Variants in CLN6 observed in about 807,000 individuals in gnomAD.
The protein encoded by CLN6 is ceroid-lipofuscinosis neuronal protein 6.
In CLN6, 22 loss-of-function variants were observed where a neutral mutation model predicts 33.3. That is an observed-to-expected ratio of 0.66 (90% CI 0.47 to 0.94). The LOEUF is 0.94. Among genes scored for constraint, CLN6 ranks in the 40% least tolerant of loss-of-function variants. The pLI is 0.00. For missense variants in CLN6, 387 were observed against 417.1 expected (o/e 0.93, Z 0.63); for synonymous variants, 201 against 174.6 (o/e 1.15, Z -1.19).
chr15:68,225,662 A>T (rs932537976), intron 1 of CLN6, among the ~76,000 whole-genome samples: 1 of 152,098 alleles, frequency 6.6e-6, no homozygotes, highest in Non-Finnish European at 1.5e-5. Flanking sequence ...AATTTTTAAA[A>T]TTTTTCCTTT....
At position 68,211,442 on chromosome 15, in the gene CLN6, T is replaced by A; in HGVS notation, c.487-124A>T. On this transcript the variant is annotated intron_variant, in intron 4 of 6. Coordinates refer to ENST00000249806, the MANE Select transcript of CLN6 (RefSeq NM_017882.3). The surrounding 1 kb of genome is among the most constrained non-coding windows in gnomAD (Gnocchi z 5.9). ...TCCCAGGCCTCCCCCACTGCCTTAT[T>A]CCCTACCCGGGGCCTCGCCTTCTGT... is the stretch of plus-strand genomic sequence containing the variant. 1 of 1,536,118 alleles carries A rather than the reference T, an allele frequency of 6.5e-7. No individual in the cohort carries two copies. The highest frequency in any genetic ancestry group is 2.3e-5 in the East Asian group (1 of 44,022).
intron 2 of CLN6, among the ~76,000 whole-genome samples, chr15:68,216,892 C>A (rs1439268741): frequency 1.3e-5 from 2 of 152,188 alleles, no homozygotes; most frequent in Non-Finnish European, 2.9e-5. Flanking sequence ...GAGAATTCAA[C>A]CTTGTCAGAA....
rs765491294 is a variant in CLN6, at chr15:68,209,662, C to G, written c.640G>C (p.Val214Leu). The change falls in exon 6 of 7, where the codon GTG becomes CTG. Residue 214 changes from valine to leucine, a missense_variant. Coordinates refer to ENST00000249806, the MANE Select transcript of CLN6 (RefSeq NM_017882.3). This position sits in a 1 kb window ranked among gnomAD's most constrained non-coding sequence, Gnocchi z 4.9. ...SLIPGPALLL[V>L]APSGLYYWYL... The stretch of plus-strand genomic sequence containing the variant: ...CAGTAGTACAGGCCACTGGGTGCCA[C>G]CAGGAGCAGGGCAGGCCCTGGAATC... The G allele has an allele frequency of 1.2e-6, 2 of 1,613,382 alleles. No individual in the cohort carries two copies. The highest frequency in any genetic ancestry group is 1.7e-6 in the Non-Finnish European group (2 of 1,179,962).
At chr15:68,245,132 GTT>G (rs1013392564) in intron 1 of CLN6, among the ~76,000 whole-genome samples, 3 of 143,494 alleles carry the variant, frequency 2.1e-5, no homozygotes, top group Admixed American at 7.0e-5. Flanking sequence ...AAGTGCAGAG[GTT>G]TTTTTTTTTG....
chr15:68,251,043 T>C (rs2065768491), intron 1 of CLN6, among the ~76,000 whole-genome samples: 1 of 152,066 alleles, frequency 6.6e-6, no homozygotes, highest in African/African-American at 2.4e-5. Flanking sequence ...AAACAAAATA[T>C]TAAGAAACTG....
At chr15:68,221,500 G>A (rs1200161644) in intron 1 of CLN6, among the ~76,000 whole-genome samples, 4 of 152,010 alleles carry the variant, frequency 2.6e-5, no homozygotes, top group African/African-American at 9.7e-5. Flanking sequence ...CCGAGGTGCT[G>A]GGATTGCAGA....
chr15:68,237,317 C>CA (rs575751381), intron 1 of CLN6, among the ~76,000 whole-genome samples: 10,622 of 134,914 alleles, frequency 0.079, 1,005 homozygotes, highest in African/African-American at 0.24. Context: ...CCTATCTCTA[C>CA]AAAAAAAAAA....
chr15:68,227,364 C>T lies in CLN6; in HGVS notation c.83+2138G>A, dbSNP rs1333572676. On this transcript the variant is annotated intron_variant, in intron 1 of 6. Coordinates refer to ENST00000249806, the MANE Select transcript of CLN6 (RefSeq NM_017882.3). This position sits in a 1 kb window ranked among gnomAD's most constrained non-coding sequence, Gnocchi z 4.1. ...TAATTGTAACACTTTCATTATAATA[C>T]AAAAACTGGCAACAAAGCAGGTGGA... Among the ~76,000 whole-genome samples the T allele has an allele frequency of 6.6e-6, 1 of 152,184 alleles. No homozygotes were observed. Among genetic ancestry groups the T allele is most frequent in the Non-Finnish European group, 1.5e-5 (1 of 68,024 alleles).
chr15:68,218,501 G>T, intron 2 of CLN6, 35 bp downstream of exon 2: 1 of 1,467,410 alleles, frequency 6.8e-7, no homozygotes, highest in Non-Finnish European at 9.6e-7. Context: ...TGTCCTCAGT[G>T]CTGGTCAGAG....
Position 68,211,939 on chromosome 15 carries a change from C to G in CLN6, c.298-76G>C. 1 of 1,452,048 alleles carries G rather than the reference C, an allele frequency of 6.9e-7. No individual in the cohort carries two copies. The highest frequency in any genetic ancestry group is 9.6e-7 in the Non-Finnish European group (1 of 1,046,624). The allele number at this position is 1,452,048 out of a possible 1,614,324, so 89.9% of individuals were successfully genotyped here. On this transcript the variant is annotated intron_variant, in intron 3 of 6. Transcript: ENST00000249806. This position sits in a 1 kb window ranked among gnomAD's most constrained non-coding sequence, Gnocchi z 5.9. ...GTGACACCCTCTGCTTCCCCCCTCA[C>G]ACCTGGGGTGGGATGGACGCTTCCA...
chr15:68,216,196 C>G (rs949927902), intron 2 of CLN6, among the ~76,000 whole-genome samples: 2 of 152,206 alleles, frequency 1.3e-5, no homozygotes, highest in African/African-American at 4.8e-5. Context: ...AAGGGAGCCA[C>G]GAGCCCACTC....
At chr15:68,224,265 CAAA>C (rs34196710) in intron 1 of CLN6, among the ~76,000 whole-genome samples, 4 of 46,732 alleles carry the variant, frequency 8.6e-5, no homozygotes, top group African/African-American at 2.5e-4. Flanking sequence ...GACCTTATTG[CAAA>C]AAAAAAAAAA....
Position 68,247,440 on chromosome 15 carries a change from A to C in CLN6, c.179+9250T>G, listed in dbSNP as rs1315278651. ...GCAAAAACAAACAAACAACAACAAC[A>C]ACAACAAAACCTAGGAATAAATTTA... On this transcript the variant is annotated intron_variant, in intron 1 of 6. Coordinates refer to the CLN6 transcript ENST00000538696. This position sits in a 1 kb window ranked among gnomAD's most constrained non-coding sequence, Gnocchi z 4.2. Among the ~76,000 whole-genome samples, 1 of 152,128 alleles carries C rather than the reference A, an allele frequency of 6.6e-6. No homozygotes were observed. Among genetic ancestry groups the C allele is most frequent in the Non-Finnish European group, 1.5e-5 (1 of 68,032 alleles).
At position 68,208,277 on chromosome 15, in the gene CLN6, CG is replaced by C; in HGVS notation, c.798del (p.Phe266LeufsTer3). On this transcript the variant is annotated frameshift_variant, in exon 7 of 7. Transcript: ENST00000249806. LOFTEE classifies it high-confidence loss of function. This position sits in a 1 kb window ranked among gnomAD's most constrained non-coding sequence, Gnocchi z 5.8. The stretch of plus-strand genomic sequence containing the variant: ...AGCGCCACAAGCAAGAGGGTCAGTG[CG>C]AAGGAGGAGAAGAGGAAGAGGCCGT... ...DSNGLFLFSS[F>X]ALTLLLVALW... 6.2e-7 allele frequency: 1 copy of C among 1,614,070 alleles called. No homozygotes were observed. The highest frequency in any genetic ancestry group is 8.5e-7 in the Non-Finnish European group (1 of 1,180,038).
In CLN6 at chr15:68,211,735, G is replaced by A. The variant is rs768766915; in HGVS notation, c.426C>T (p.Tyr142=). ...SVNHRLLFSG[Y]QHHLSVRENP... ...TCTCACGGACAGACAGGTGGTGCTGGTAGCCACTGAAGAGCAGGCGGTGGT... is the reference window on the plus strand; with the variant it reads ...TCTCACGGACAGACAGGTGGTGCTGATAGCCACTGAAGAGCAGGCGGTGGT... Residue 142 remains tyrosine (Y), a synonymous_variant, in exon 4 of 7, where the codon TAC becomes TAT. Transcript: ENST00000249806. The surrounding 1 kb of genome is among the most constrained non-coding windows in gnomAD (Gnocchi z 5.9). 6.2e-7 allele frequency: 1 copy of A among 1,613,468 alleles called. No individual in the cohort carries two copies. Among genetic ancestry groups the A allele is most frequent in the Non-Finnish European group, 8.5e-7 (1 of 1,179,962 alleles).
intron 2 of CLN6, chr15:68,218,032 G>A (rs1248444068): frequency 6.1e-6 from 1 of 165,250 alleles, no homozygotes; most frequent in Admixed American, 5.6e-5. Context: ...TTGGAAGGCA[G>A]GGGATGGTTT....
At chr15:68,255,003 C>CT (rs528278572) in intron 1 of CLN6, 57 of 747,088 alleles carry the variant, frequency 7.6e-5, no homozygotes, top group Admixed American at 1.3e-4. Context: ...TTTGTTTTAC[C>CT]TTTTTTTTAA....
Position 68,251,782 on chromosome 15 carries a change from G to T in CLN6, c.179+4908C>A, listed in dbSNP as rs146883670. Among the ~76,000 whole-genome samples the T allele has an allele frequency of 7.9e-5, 12 of 152,164 alleles. No individual in the cohort carries two copies. The East Asian group carries it at 2.3e-3, about 29-fold the overall frequency. ...AAAACAGTACTGTCATTATTTGTAG[G>T]TAATATAATTGCATATATAGAAAAC... On this transcript the variant is annotated intron_variant, in intron 1 of 6. Coordinates refer to the CLN6 transcript ENST00000538696.
intron 1 of CLN6, among the ~76,000 whole-genome samples, chr15:68,226,819 G>A (rs1012596266): frequency 6.9e-6 from 1 of 145,524 alleles, no homozygotes; most frequent in African/African-American, 2.6e-5. Flanking sequence ...AAACTTAAGA[G>A]CAGGGCCTGA....
Sources: gnomAD v4.1 joint callset for allele counts (sites outside exome capture counted in the v4.1 genomes callset) on GRCh38, gnomAD v4.1.1 for gene constraint, Gnocchi (gnomAD v3.1) non-coding constraint, MANE v1.5 for transcripts, NCBI Gene and HGNC (gene_info 2026-07-23, HGNC 2026-07-21) for gene names.